Variants in TSEN2 observed in about 807,000 individuals in gnomAD.
The protein encoded by TSEN2 is tRNA splicing endonuclease subunit 2, also known as tRNA-splicing endonuclease subunit Sen2.
In TSEN2, 54 loss-of-function variants were observed where a neutral mutation model predicts 59.2. The ratio of observed to expected loss-of-function variants is 0.91; its 90% CI spans 0.73 to 1.14. The LOEUF (loss-of-function observed/expected upper bound fraction) is 1.14. Among genes scored for constraint, TSEN2 ranks in the 50% most tolerant of loss-of-function variants. The pLI is 0.00. For missense variants in TSEN2, 636 were observed against 576.2 expected (o/e 1.10, Z -1.06); for synonymous variants, 195 against 198.2 (o/e 0.98, Z 0.14).
chr3:12,532,678 G>A lies in TSEN2; in HGVS notation c.1355G>A (p.Arg452Gln), dbSNP rs773082232. The A allele has an allele frequency of 6.8e-6, 11 of 1,614,088 alleles. No individual in the cohort carries two copies. The highest frequency in any genetic ancestry group is 3.3e-5 in the South Asian group (3 of 91,088). Residue 452 changes from arginine to glutamine, a missense_variant, in exon 12 of 12, where the codon CGA becomes CAA. Transcript: ENST00000284995. ...TGGTTGTAGGAGGTGATTCTGAGTC[G>A]ATGGGTTTCTTCACGAGAGAGGAGT... ...RIKVQEVILS[R>Q]WVSSRERSDQ...
intron 4 of TSEN2, among the ~76,000 whole-genome samples, chr3:12,497,045 A>T (rs2053820738): frequency 6.6e-6 from 1 of 152,138 alleles, no homozygotes; most frequent in South Asian, 2.1e-4. Context: ...AATCCTGCTC[A>T]TGCCTGACCT....
intron 8 of TSEN2, among the ~76,000 whole-genome samples, chr3:12,526,340 A>G (rs1403459630): frequency 6.6e-6 from 1 of 152,174 alleles, no homozygotes; most frequent in Non-Finnish European, 1.5e-5. Flanking sequence ...ATACAGGTAT[A>G]CGGGTTTTCT....
At chr3:12,527,273 G>A (rs755145245) in intron 8 of TSEN2, among the ~76,000 whole-genome samples, 3 of 152,148 alleles carry the variant, frequency 2.0e-5, no homozygotes, top group Non-Finnish European at 2.9e-5. Flanking sequence ...ACTAAGTGAA[G>A]GGTTACTGTG....
At chr3:12,514,412 G>A (rs557129985) in intron 6 of TSEN2, among the ~76,000 whole-genome samples, 31 of 152,176 alleles carry the variant, frequency 2.0e-4, no homozygotes, top group Non-Finnish European at 4.1e-4. Flanking sequence ...GGGGAACGAC[G>A]TGATTTTCGT....
chr3:12,529,012 C>G, intron 9 of TSEN2, 88 bp downstream of exon 9: 1 of 1,360,262 alleles, frequency 7.4e-7, no homozygotes, highest in Non-Finnish European at 1.1e-6. Context: ...GCCATAGGAA[C>G]AAAAGTCATG....
rs144817988 is a variant in TSEN2 at position 12,518,731 on chromosome 3, G to T, written c.961-328G>T. On this transcript the variant is annotated intron_variant, in intron 7 of 11. Coordinates refer to ENST00000284995, the MANE Select transcript of TSEN2 (RefSeq NM_025265.4). Reference sequence around the variant, plus strand: ...TTTTTTTTTTTTTCATACTGAGTAGGAAGTCAGTGTATATTTTACACTTAG... The same window carrying T: ...TTTTTTTTTTTTTCATACTGAGTAGTAAGTCAGTGTATATTTTACACTTAG... Among the ~76,000 whole-genome samples the T allele has an allele frequency of 1.4e-3, 206 of 148,504 alleles. 1 individual carries two copies. The highest frequency in any genetic ancestry group is 5.0e-3 in the African/African-American group (199 of 40,038).
intron 8 of TSEN2, among the ~76,000 whole-genome samples, chr3:12,527,488 C>G (rs548049772): frequency 1.3e-3 from 177 of 140,016 alleles, no homozygotes; most frequent in Middle Eastern, 0.013. Flanking sequence ...GAGTCTCGCT[C>G]TGTCGCCCAG....
intron 4 of TSEN2, 36 bp from the exon 5 acceptor site, chr3:12,503,226 T>G: frequency 6.2e-7 from 1 of 1,613,858 alleles, no homozygotes; most frequent in Non-Finnish European, 8.5e-7. Context: ...ATTTTGAAAT[T>G]CGAGTGCTGT....
At chr3:12,493,849 A>G (rs539456546) in intron 3 of TSEN2, among the ~76,000 whole-genome samples, 7 of 152,314 alleles carry the variant, frequency 4.6e-5, no homozygotes, top group South Asian at 2.1e-4. Flanking sequence ...CAATTTATCT[A>G]TTTTTTCTAC....
chr3:12,507,178 G>A (rs1049286425), intron 6 of TSEN2, among the ~76,000 whole-genome samples: 3 of 152,214 alleles, frequency 2.0e-5, no homozygotes, highest in East Asian at 1.9e-4. Context: ...AGGTGAAAGA[G>A]TAAGACTCCG....
intron 8 of TSEN2, among the ~76,000 whole-genome samples, chr3:12,522,347 TATC>T (rs1401808031): frequency 6.6e-6 from 1 of 152,046 alleles, no homozygotes; most frequent in Admixed American, 6.5e-5. Context: ...CACTGGGACA[TATC>T]ATCTAGAAAC....
At chr3:12,534,859 A>G (rs114391178), downstream of TSEN2, among the ~76,000 whole-genome samples, 2,588 of 150,390 alleles carry the variant, frequency 0.017, 30 homozygotes, top group Non-Finnish European at 0.026. Context: ...CTGTAATCCC[A>G]GCTTCTTAGG....
At chr3:12,536,059 G>A (rs1483063798), downstream of TSEN2, among the ~76,000 whole-genome samples, 2 of 152,204 alleles carry the variant, frequency 1.3e-5, no homozygotes, top group Non-Finnish European at 1.5e-5. Flanking sequence ...CAAAGTGTAA[G>A]CATTGCCATC....
intron 6 of TSEN2, among the ~76,000 whole-genome samples, chr3:12,512,069 G>A (rs187378087): frequency 2.0e-4 from 31 of 152,292 alleles, no homozygotes; most frequent in East Asian, 3.9e-4. Flanking sequence ...CAGATGTAAC[G>A]TTCTCCTTCA....
intron 4 of TSEN2, among the ~76,000 whole-genome samples, chr3:12,498,934 G>A (rs775759851): frequency 6.6e-6 from 1 of 152,022 alleles, no homozygotes; most frequent in African/African-American, 2.4e-5. Flanking sequence ...ATAGTTGTTC[G>A]TATTTTTTGT....
rs942068053 is a variant in TSEN2 at position 12,530,054 on chromosome 3, C to T, written c.1248+181C>T. Reference sequence around the variant, plus strand: ...CCCTTATTGCGCTAGAAGTTGTCCTCCCCTCATGTTACATTTTATTGTCCC... The same window carrying T: ...CCCTTATTGCGCTAGAAGTTGTCCTTCCCTCATGTTACATTTTATTGTCCC... On this transcript the variant is annotated intron_variant, in intron 10 of 11. Coordinates refer to ENST00000284995, the MANE Select transcript of TSEN2 (RefSeq NM_025265.4). The T allele has an allele frequency of 2.6e-5, 37 of 1,437,600 alleles. No individual in the cohort carries two copies. In the South Asian group the frequency reaches 5.4e-4, roughly 21 times the overall value. The allele number at this position is 1,437,600 out of a possible 1,614,324, so 89.1% of individuals were successfully genotyped here. A position where few individuals can be genotyped will look rare whatever the true frequency, so the allele number is the denominator to read the frequency against.
chr3:12,522,145 T>C (rs572781302), intron 8 of TSEN2, among the ~76,000 whole-genome samples: 4 of 152,360 alleles, frequency 2.6e-5, no homozygotes, highest in East Asian at 1.9e-4. Flanking sequence ...TGTGGTTCTT[T>C]TGTCTGCAAC....
intron 8 of TSEN2, among the ~76,000 whole-genome samples, chr3:12,527,997 C>T (rs1242128389): frequency 6.6e-6 from 1 of 152,170 alleles, no homozygotes; most frequent in Non-Finnish European, 1.5e-5. Flanking sequence ...GAGTAGCTCT[C>T]GACCTCCACA....
chr3:12,485,950 A>T (rs1352554647), intron 1 of TSEN2, among the ~76,000 whole-genome samples: 4 of 150,242 alleles, frequency 2.7e-5, no homozygotes, highest in African/African-American at 5.0e-5. Context: ...GAAATTTAAA[A>T]ATATATATAT....
Sources: allele counts gnomAD v4.1 joint callset (sites outside exome capture counted in the v4.1 genomes callset), GRCh38; gene constraint gnomAD v4.1.1; transcripts MANE v1.5; gene names NCBI Gene and HGNC (gene_info 2026-07-23, HGNC 2026-07-21).